KHDRBS3: variants seen among roughly 807,000 people sequenced by gnomAD.
KHDRBS3 encodes KH domain-containing, RNA-binding, signal transduction-associated protein 3.
In KHDRBS3, 23 loss-of-function variants were observed where a neutral mutation model predicts 45.6. The observed-to-expected ratio is 0.50, with a 90% confidence interval of 0.36 to 0.72. KHDRBS3 has a LOEUF of 0.72. Ranked by LOEUF, KHDRBS3 falls within the 30% of genes least tolerant of loss-of-function variation. The pLI is 0.00. For missense variants in KHDRBS3, 352 were observed against 424.8 expected (o/e 0.83, Z 1.51); for synonymous variants, 162 against 156.5 (o/e 1.04, Z -0.26).
intron 2 of KHDRBS3, among the ~76,000 whole-genome samples, chr8:135,535,608 A>C (rs1319954310): frequency 6.6e-6 from 1 of 151,980 alleles, no homozygotes; most frequent in Non-Finnish European, 1.5e-5. Context: ...AGTTTAACTC[A>C]ATTGCAAAAT....
rs570861856 is a variant in KHDRBS3, at chr8:135,590,118, A to G, written c.807+8045A>G. ...TAGACAAACTTAGATGGTAGAGCCCACTACCGCCTAGGCTATATGCTTTTA... is the reference window on the plus strand; with the variant it reads ...TAGACAAACTTAGATGGTAGAGCCCGCTACCGCCTAGGCTATATGCTTTTA... On this transcript the variant is annotated intron_variant, in intron 6 of 8. Coordinates refer to ENST00000355849, the MANE Select transcript of KHDRBS3 (RefSeq NM_006558.3). 5.9e-5 allele frequency among the ~76,000 whole-genome samples: 9 copies of G among 152,350 alleles called. No homozygotes were observed. The East Asian group carries it at 1.7e-3, about 29-fold the overall frequency.
intron 1 of KHDRBS3, among the ~76,000 whole-genome samples, chr8:135,505,669 G>A (rs1022550562): frequency 1.3e-5 from 2 of 152,058 alleles, no homozygotes; most frequent in African/African-American, 4.8e-5. Flanking sequence ...CACCCTCAAG[G>A]CTGGAGGAGC....
At chr8:135,473,932 A>G (rs958594698) in intron 1 of KHDRBS3, among the ~76,000 whole-genome samples, 1 of 152,178 alleles carries the variant, frequency 6.6e-6, no homozygotes, top group South Asian at 2.1e-4. Context: ...AATGGCCACC[A>G]TTCTTGCTTG....
intron 7 of KHDRBS3, among the ~76,000 whole-genome samples, chr8:135,630,513 G>C (rs1053209956): frequency 6.6e-6 from 1 of 152,172 alleles, no homozygotes; most frequent in Non-Finnish European, 1.5e-5. Flanking sequence ...ATATACAGAT[G>C]TGTTGCTTAA....
intron 1 of KHDRBS3, among the ~76,000 whole-genome samples, chr8:135,507,235 T>A (rs981296956): frequency 6.6e-6 from 1 of 152,214 alleles, no homozygotes; most frequent in Non-Finnish European, 1.5e-5. Flanking sequence ...GTAATAAAGA[T>A]CAACGAATTA....
chr8:135,600,193 C>A (rs1376289225), intron 6 of KHDRBS3, among the ~76,000 whole-genome samples: 5 of 152,146 alleles, frequency 3.3e-5, no homozygotes, highest in Admixed American at 2.0e-4. Flanking sequence ...CCCTATTGTT[C>A]TCAGGACAGA....
chr8:135,580,323 G>T (rs113839374), intron 5 of KHDRBS3, among the ~76,000 whole-genome samples: 1 of 152,110 alleles, frequency 6.6e-6, no homozygotes, highest in Non-Finnish European at 1.5e-5. Flanking sequence ...TAGAGAACTG[G>T]TATCATTTCA....
intron 1 of KHDRBS3, among the ~76,000 whole-genome samples, chr8:135,512,230 T>C (rs564073966): frequency 6.6e-5 from 10 of 152,314 alleles, no homozygotes; most frequent in African/African-American, 2.4e-4. Flanking sequence ...ATTTGTCCAA[T>C]AGAATTTACG....
chr8:135,628,390 T>C (rs1484549623), intron 7 of KHDRBS3, among the ~76,000 whole-genome samples: 2 of 152,206 alleles, frequency 1.3e-5, no homozygotes, highest in African/African-American at 4.8e-5. Context: ...CCTAATTTCA[T>C]ACTAAGATTA....
At chr8:135,474,964 T>G (rs1185082928) in intron 1 of KHDRBS3, among the ~76,000 whole-genome samples, 1 of 152,210 alleles carries the variant, frequency 6.6e-6, no homozygotes, top group Admixed American at 6.5e-5. Context: ...CCTCGGCTTG[T>G]GGCCCCTTCC....
chr8:135,579,975 C>G (rs1057274617), intron 5 of KHDRBS3, among the ~76,000 whole-genome samples: 3 of 152,174 alleles, frequency 2.0e-5, no homozygotes, highest in African/African-American at 2.4e-5. Flanking sequence ...AGGCCTTGTT[C>G]TTGTTCCCCC....
intron 5 of KHDRBS3, among the ~76,000 whole-genome samples, chr8:135,579,243 G>A (rs1419961963): frequency 6.6e-6 from 1 of 152,192 alleles, no homozygotes. Context: ...TTGAATAGTA[G>A]TTGTGAGAGT....
intron 7 of KHDRBS3, chr8:135,625,398 C>A: frequency 1.3e-6 from 1 of 798,434 alleles, no homozygotes; most frequent in South Asian, 1.4e-5. Flanking sequence ...AGTGCTGCAT[C>A]AACTCAGCTG....
chr8:135,543,910 G>A (rs1826164446), intron 3 of KHDRBS3, among the ~76,000 whole-genome samples: 1 of 152,114 alleles, frequency 6.6e-6, no homozygotes, highest in South Asian at 2.1e-4. Context: ...CTTGTTTAGG[G>A]TAGAAACTCA....
chr8:135,517,155 CAT>C (rs1586648109), intron 1 of KHDRBS3, among the ~76,000 whole-genome samples: 1 of 152,166 alleles, frequency 6.6e-6, no homozygotes, highest in Non-Finnish European at 1.5e-5. Context: ...GGTTTGAAAA[CAT>C]AGCATTTTAA....
chr8:135,567,444 G>C (rs1827483759), intron 5 of KHDRBS3, among the ~76,000 whole-genome samples: 1 of 152,142 alleles, frequency 6.6e-6, no homozygotes, highest in African/African-American at 2.4e-5. Flanking sequence ...AATAACTCCA[G>C]TTTGGGTATT....
chr8:135,555,945 C>T (rs1338971358), intron 4 of KHDRBS3, among the ~76,000 whole-genome samples: 1 of 152,128 alleles, frequency 6.6e-6, no homozygotes, highest in African/African-American at 2.4e-5. Flanking sequence ...TCCATGTGTT[C>T]TCATTGTCCA....
chr8:135,464,941 G>A (rs1418191243), intron 1 of KHDRBS3, among the ~76,000 whole-genome samples: 1 of 152,106 alleles, frequency 6.6e-6, no homozygotes, highest in Non-Finnish European at 1.5e-5. Context: ...TGTTTTTCAT[G>A]TTTTACTTTT....
intron 6 of KHDRBS3, among the ~76,000 whole-genome samples, chr8:135,588,652 G>A (rs1229730343): frequency 6.6e-6 from 1 of 152,030 alleles, no homozygotes; most frequent in African/African-American, 2.4e-5. Flanking sequence ...GATGGAAAGG[G>A]GCTTTATGAA....
Sources: allele counts gnomAD v4.1 joint callset (sites outside exome capture counted in the v4.1 genomes callset), GRCh38; gene constraint gnomAD v4.1.1; transcripts MANE v1.5; gene names NCBI Gene and HGNC (gene_info 2026-07-23, HGNC 2026-07-21).